RBFOX1: variants seen among roughly 807,000 people sequenced by gnomAD.
RBFOX1 encodes the protein RNA binding fox-1 homolog 1, also known as RNA binding protein fox-1 homolog 1.
Under a neutral mutation model 57.7 loss-of-function variants are expected in RBFOX1, and 8 were observed. The observed-to-expected ratio is 0.14, with a 90% CI of 0.08 to 0.25. The LOEUF (loss-of-function observed/expected upper bound fraction) is 0.25. Among genes scored for constraint, RBFOX1 ranks in the 10% least tolerant of loss-of-function variants. The probability of loss-of-function intolerance (pLI) is 1.00; values close to 1 mark genes in which losing one functional copy is unlikely to be tolerated. For synonymous variants in RBFOX1, 326 were observed against 222.4 expected (o/e 1.47, Z -4.15); for missense variants, 611 against 548.5 (o/e 1.11, Z -1.14).
At chr16:5,648,620 C>A (rs907523086) in intron 3 of RBFOX1, among the ~76,000 whole-genome samples, 1 of 151,930 alleles carries the variant, frequency 6.6e-6, no homozygotes, top group Non-Finnish European at 1.5e-5. Flanking sequence ...ATGATCTTAC[C>A]CAACACGTCA....
At chr16:6,178,577 A>G (rs1290299325) in intron 1 of RBFOX1, among the ~76,000 whole-genome samples, 2 of 152,174 alleles carry the variant, frequency 1.3e-5, no homozygotes, top group Non-Finnish European at 2.9e-5. Flanking sequence ...GAAGGAGAGC[A>G]TATTTTTAAA....
At chr16:6,842,179 TA>T (rs2093508598) in intron 3 of RBFOX1, among the ~76,000 whole-genome samples, 1 of 151,416 alleles carries the variant, frequency 6.6e-6, no homozygotes, top group Admixed American at 6.6e-5. Flanking sequence ...AATAAATAAA[TA>T]AATAAATAAA....
intron 2 of RBFOX1, among the ~76,000 whole-genome samples, chr16:6,554,747 C>CACACACAG (rs1567662751): frequency 2.7e-5 from 4 of 149,852 alleles, no homozygotes. Flanking sequence ...CACACACACA[C>CACACACAG]ACACACACAC....
chr16:5,683,024 G>A (rs2050391334), intron 3 of RBFOX1, among the ~76,000 whole-genome samples: 1 of 152,126 alleles, frequency 6.6e-6, no homozygotes, highest in African/African-American at 2.4e-5. Context: ...ACAGAATGGG[G>A]AGAATCAGAG....
chr16:7,174,142 A>T (rs537950808), intron 4 of RBFOX1, among the ~76,000 whole-genome samples: 1 of 152,112 alleles, frequency 6.6e-6, no homozygotes, highest in Non-Finnish European at 1.5e-5. Flanking sequence ...TGTGATCTGC[A>T]TCTGGATTAT....
chr16:5,490,089 A>G (rs1319689211), intron 2 of RBFOX1, among the ~76,000 whole-genome samples: 2 of 152,168 alleles, frequency 1.3e-5, no homozygotes. Flanking sequence ...CTCAGCTTCT[A>G]CTGTGGCAGA....
chr16:5,486,967 C>G lies in RBFOX1; in HGVS notation c.258+19713C>G, dbSNP rs188474613. ...TTCAATGCTCACCTCAGTGGAGACTCCGGTCCCCTGTAATACCCCCAGGCC... is the reference window on the plus strand; with the variant it reads ...TTCAATGCTCACCTCAGTGGAGACTGCGGTCCCCTGTAATACCCCCAGGCC... On this transcript the variant is annotated intron_variant, in intron 2 of 2. Transcript: ENST00000585867. Among the ~76,000 whole-genome samples, 32 of 152,258 alleles carry G rather than the reference C, an allele frequency of 2.1e-4. No homozygotes were observed. In the East Asian group the frequency reaches 5.4e-3, roughly 26 times the overall value.
chr16:6,163,716 G>A (rs548069388), intron 1 of RBFOX1, among the ~76,000 whole-genome samples: 1 of 152,144 alleles, frequency 6.6e-6, no homozygotes, highest in Non-Finnish European at 1.5e-5. Context: ...TGTAAAACCA[G>A]TGATTTGTAA....
chr16:7,558,718 A>T (rs1173061868), intron 5 of RBFOX1, among the ~76,000 whole-genome samples: 1 of 152,208 alleles, frequency 6.6e-6, no homozygotes, highest in East Asian at 1.9e-4. Context: ...CAAAATCAGC[A>T]CCGAAAAGGC....
At chr16:6,534,474 C>G (rs1166634664) in intron 2 of RBFOX1, among the ~76,000 whole-genome samples, 1 of 152,088 alleles carries the variant, frequency 6.6e-6, no homozygotes, top group Non-Finnish European at 1.5e-5. Context: ...ATATTTACCT[C>G]TAGGCTGTCC....
rs902236065 is a variant in RBFOX1 at position 7,367,269 on chromosome 16, G to C, written c.28-150878G>C. 1.2e-4 allele frequency among the ~76,000 whole-genome samples: 19 copies of C among 152,250 alleles called. No individual in the cohort carries two copies. In the Middle Eastern group the frequency reaches 0.01, roughly 82 times the overall value. On this transcript the variant is annotated intron_variant, in intron 4 of 15. Transcript: ENST00000550418. ...ACAAAGTGTGCATTTGAGAGTTGCTGTTTTGAGATAAAGAGTGCAGTTCAG... is the reference window on the plus strand; with the variant it reads ...ACAAAGTGTGCATTTGAGAGTTGCTCTTTTGAGATAAAGAGTGCAGTTCAG...
At chr16:6,131,167 G>A (rs1355629731) in intron 1 of RBFOX1, among the ~76,000 whole-genome samples, 2 of 152,190 alleles carry the variant, frequency 1.3e-5, no homozygotes, top group Admixed American at 6.5e-5. Flanking sequence ...CTAGGAAGGG[G>A]CACCAGAGGA....
chr16:5,453,609 A>T (rs1033203141), intron 1 of RBFOX1, among the ~76,000 whole-genome samples: 3 of 152,130 alleles, frequency 2.0e-5, no homozygotes, highest in Admixed American at 6.5e-5. Flanking sequence ...CTCTTAATAC[A>T]CCATAGGCAG....
At chr16:7,187,550 G>C (rs867080337) in intron 4 of RBFOX1, among the ~76,000 whole-genome samples, 2 of 151,080 alleles carry the variant, frequency 1.3e-5, no homozygotes, top group Admixed American at 6.6e-5. Flanking sequence ...TTAGCCAGGC[G>C]TGGTGGCGGG....
chr16:7,665,007 C>G (rs1348651436), intron 13 of RBFOX1, 39 bp downstream of exon 13: 21 of 1,613,748 alleles, frequency 1.3e-5, no homozygotes, highest in Non-Finnish European at 1.8e-5. Flanking sequence ...CCCGTTTCCT[C>G]CTGGAGTCAT....
intron 10 of RBFOX1, among the ~76,000 whole-genome samples, chr16:7,627,498 G>C (rs1448912234): frequency 6.6e-6 from 1 of 152,198 alleles, no homozygotes; most frequent in African/African-American, 2.4e-5. Flanking sequence ...TACAAATGAA[G>C]GTTCCTGGCA....
At chr16:6,750,457 C>T (rs929771645) in intron 3 of RBFOX1, among the ~76,000 whole-genome samples, 10 of 152,292 alleles carry the variant, frequency 6.6e-5, no homozygotes, top group Admixed American at 1.3e-4. Flanking sequence ...TACCAAAACA[C>T]CCTTTTTAAA....
At chr16:5,360,355 C>G (rs1037149882) in intron 1 of RBFOX1, among the ~76,000 whole-genome samples, 1 of 152,218 alleles carries the variant, frequency 6.6e-6, no homozygotes, top group Admixed American at 6.5e-5. Flanking sequence ...CCAGGCAGCT[C>G]TGCCTATTTT....
At chr16:7,614,299 G>A (rs1315628919) in intron 10 of RBFOX1, 1 of 152,162 alleles carries the variant, frequency 6.6e-6, no homozygotes, top group South Asian at 2.1e-4. Context: ...TTGCACATCT[G>A]TTTACCTTTG....
Sources: allele counts gnomAD v4.1 joint callset (sites outside exome capture counted in the v4.1 genomes callset), GRCh38; gene constraint gnomAD v4.1.1; transcripts MANE v1.5; gene names NCBI Gene and HGNC (gene_info 2026-07-23, HGNC 2026-07-21).